Variants in PTGES observed in about 807,000 individuals in gnomAD.
PTGES encodes the protein prostaglandin E synthase, also known as MGST1-like 1.
In PTGES, 3 loss-of-function variants were observed where a neutral mutation model predicts 11.8. That is an observed-to-expected ratio of 0.25 (90% CI 0.12 to 0.66). The LOEUF (loss-of-function observed/expected upper bound fraction) is 0.66. PTGES is among the 30% of genes least tolerant of loss of function. The pLI, the probability that PTGES is intolerant of heterozygous loss-of-function variation, is 0.82. For missense variants in PTGES, 180 were observed against 213.0 expected, an observed-to-expected ratio of 0.85 and a Z score of 0.96; for synonymous variants, 94 against 90.4, an observed-to-expected ratio of 1.04 and a Z score of -0.22.
rs556757997 is a variant in PTGES at position 129,745,224 on chromosome 9, A to T, written c.209+3431T>A. Among the ~76,000 whole-genome samples the T allele has an allele frequency of 6.6e-6, 1 of 152,290 alleles. No homozygotes were observed. The highest frequency in any genetic ancestry group is 2.4e-5 in the African/African-American group (1 of 41,556). On this transcript the variant is annotated intron_variant, in intron 2 of 2. Coordinates refer to ENST00000340607, the MANE Select transcript of PTGES (RefSeq NM_004878.5). This position sits in a 1 kb window ranked among gnomAD's most constrained non-coding sequence, Gnocchi z 4.2. ...TGCAGTTCCACACACCCAACCTCAG[A>T]TTCTGGCCCAGACGCACATTGCCGG...
At chr9:129,744,236 C>T (rs969575621) in intron 2 of PTGES, among the ~76,000 whole-genome samples, 2 of 152,180 alleles carry the variant, frequency 1.3e-5, no homozygotes, top group African/African-American at 4.8e-5. Context: ...TCACTTCACC[C>T]TCTTGGCTTT....
intron 1 of PTGES, 150 bp downstream of exon 1, chr9:129,752,737 G>T (rs1214698405): frequency 8.3e-7 from 1 of 1,201,660 alleles, no homozygotes; most frequent in Non-Finnish European, 1.2e-6. Flanking sequence ...CGTGGGACTG[G>T]CAGGAAGCCC....
intron 2 of PTGES, among the ~76,000 whole-genome samples, chr9:129,741,327 G>C (rs1832992263): frequency 6.6e-6 from 1 of 152,208 alleles, no homozygotes; most frequent in Non-Finnish European, 1.5e-5. Flanking sequence ...GCAGATAAGA[G>C]AGGGAGAGGA....
intron 1 of PTGES, among the ~76,000 whole-genome samples, chr9:129,752,291 C>T (rs1373104226): frequency 1.3e-5 from 2 of 152,224 alleles, no homozygotes; most frequent in Admixed American, 1.3e-4. Context: ...ACTCGCCAAC[C>T]AGTGTGACGG....
rs868805845 is a variant in PTGES at position 129,748,730 on chromosome 9, G to A, written c.134C>T (p.Ala45Val). The A allele has an allele frequency of 1.3e-6, 2 of 1,591,588 alleles. No homozygotes were observed. The highest frequency in any genetic ancestry group is 1.4e-5 in the African/African-American group (1 of 73,130). ...GQVRLRKKAF[A>V]NPEDALRHGG... is the part of the protein sequence containing the mutation. ...GTGTCTCAGGGCATCCTCGGGGTTG[G>A]CAAAGGCCTGAAATATACCAGTTGA... Residue 45 changes from alanine (A) to valine (V), a missense_variant, in exon 2 of 3, where the codon GCC becomes GTC. By Grantham distance (64) the Ala-to-Val change is moderately conservative. Coordinates refer to ENST00000340607, the MANE Select transcript of PTGES (RefSeq NM_004878.5).
At chr9:129,740,381 C>T (rs548566460) in intron 2 of PTGES, among the ~76,000 whole-genome samples, 4 of 152,278 alleles carry the variant, frequency 2.6e-5, no homozygotes, top group Non-Finnish European at 5.9e-5. Context: ...GGGCCCCTCC[C>T]GAGTAGAAGG....
chr9:129,740,472 C>T (rs941236835), intron 2 of PTGES, among the ~76,000 whole-genome samples: 4 of 152,164 alleles, frequency 2.6e-5, no homozygotes, highest in African/African-American at 9.7e-5. Flanking sequence ...ACCACCTGTC[C>T]TTTCAGGGAC....
chr9:129,740,316 G>A (rs931632580), intron 2 of PTGES, among the ~76,000 whole-genome samples: 55 of 152,294 alleles, frequency 3.6e-4, no homozygotes, highest in African/African-American at 1.3e-3. Flanking sequence ...TACCTCCAGG[G>A]CAGGGCTTCT....
chr9:129,752,301 G>GACGCT, intron 1 of PTGES, among the ~76,000 whole-genome samples: 1 of 152,356 alleles, frequency 6.6e-6, no homozygotes, highest in East Asian at 1.9e-4. Flanking sequence ...CAGTGTGACG[G>GACGCT]ACGCTACTGG....
rs1266351581 is a variant in PTGES at position 129,745,926 on chromosome 9, C to G, written c.209+2729G>C. Among the ~76,000 whole-genome samples, 1 of 151,468 alleles carries G rather than the reference C, an allele frequency of 6.6e-6. No homozygotes were observed. The highest frequency in any genetic ancestry group is 1.5e-5 in the Non-Finnish European group (1 of 67,930). On this transcript the variant is annotated intron_variant, in intron 2 of 2. Transcript: ENST00000340607. This position sits in a 1 kb window ranked among gnomAD's most constrained non-coding sequence, Gnocchi z 4.2. ...ACAGGTGCCTGTAATCCCAGCTACT[C>G]GGGAGGCTGAGGCAGGGGAATTGCT...
Position 129,748,798 on chromosome 9 carries a change from A to G in PTGES, c.127-61T>C, listed in dbSNP as rs911681836. On this transcript the variant is annotated intron_variant, in intron 1 of 2. Transcript: ENST00000340607. ...ACAAACGGCCCAGTCACCTGGGGCT[A>G]TGTTTTGTCCATGACCAGAGTTCAC... The G allele has an allele frequency of 5.7e-6, 8 of 1,409,542 alleles. No individual in the cohort carries two copies. The African/African-American group carries it at 1.2e-4, about 21-fold the overall frequency. 87.3% of individuals were successfully genotyped at this position (1,409,542 alleles called of 1,614,324 possible).
intron 2 of PTGES, among the ~76,000 whole-genome samples, chr9:129,741,208 G>A (rs1832991219): frequency 6.6e-6 from 1 of 152,218 alleles, no homozygotes; most frequent in South Asian, 2.1e-4. Flanking sequence ...AGCATTCCAG[G>A]AAGGAAGACC....
Position 129,738,677 on chromosome 9 carries a change from C to T in PTGES, c.*934G>A, listed in dbSNP as rs1220711928. ...AGACTGCAGCAAAGACATCCAAAGC[C>T]AACGGCAAGGGAAGCGTCAGCGGGG... On this transcript the variant is annotated 3_prime_UTR_variant, in exon 3 of 3. Transcript: ENST00000340607. This position sits in a 1 kb window ranked among gnomAD's most constrained non-coding sequence, Gnocchi z 4.2. 6.6e-6 allele frequency: 1 copy of T among 152,398 alleles called. No homozygotes were observed. Among genetic ancestry groups the T allele is most frequent in the Non-Finnish European group, 1.5e-5 (1 of 68,208 alleles). The allele number at this position is 152,398 out of a possible 1,614,324, so 9.4% of individuals were successfully genotyped here. A position where few individuals can be genotyped will look rare whatever the true frequency, so the allele number is the denominator to read the frequency against.
At chr9:129,742,731 G>T (rs1248521155) in intron 2 of PTGES, among the ~76,000 whole-genome samples, 1 of 151,920 alleles carries the variant, frequency 6.6e-6, no homozygotes, top group East Asian at 1.9e-4. Context: ...AATCAGTCAG[G>T]CGTGGTGGCA....
chr9:129,747,786 G>C (rs938592709), intron 2 of PTGES, among the ~76,000 whole-genome samples: 1 of 152,044 alleles, frequency 6.6e-6, no homozygotes, highest in Non-Finnish European at 1.5e-5. Flanking sequence ...GAGGCGGACA[G>C]ATCATCTGAG....
chr9:129,741,547 A>C (rs978157945), intron 2 of PTGES, among the ~76,000 whole-genome samples: 35 of 152,298 alleles, frequency 2.3e-4, no homozygotes, highest in African/African-American at 8.2e-4. Context: ...AGCGGTGGGG[A>C]ACACTGTGGC....
chr9:129,746,021 C>T (rs1330462655), intron 2 of PTGES, among the ~76,000 whole-genome samples: 1 of 146,194 alleles, frequency 6.8e-6, no homozygotes, highest in Non-Finnish European at 1.5e-5. Context: ...GGGACAAGAG[C>T]GAAACTCTGT....
chr9:129,743,394 T>C (rs1434968432), intron 2 of PTGES, among the ~76,000 whole-genome samples: 5 of 152,166 alleles, frequency 3.3e-5, no homozygotes, highest in Middle Eastern at 3.4e-3. Context: ...TCGGGTGAAA[T>C]GCATCATTCA....
Position 129,744,614 on chromosome 9 carries a change from G to A in PTGES, c.209+4041C>T, listed in dbSNP as rs111483777. Among the ~76,000 whole-genome samples, 217 of 149,110 alleles carry A rather than the reference G, an allele frequency of 1.5e-3. 2 individuals are homozygous for A. The highest frequency in any genetic ancestry group is 5.0e-3 in the African/African-American group (200 of 40,324). Reference sequence around the variant, plus strand: ...AAAAAGACCGGGCGAGGTGGCTCATGCCTGTAATCCCAACACTTTGGGGAG... The same window carrying A: ...AAAAAGACCGGGCGAGGTGGCTCATACCTGTAATCCCAACACTTTGGGGAG... On this transcript the variant is annotated intron_variant, in intron 2 of 2. Transcript: ENST00000340607.
Sources: gnomAD v4.1 joint callset for allele counts (sites outside exome capture counted in the v4.1 genomes callset) on GRCh38, gnomAD v4.1.1 for gene constraint, Gnocchi (gnomAD v3.1) non-coding constraint, MANE v1.5 for transcripts, NCBI Gene and HGNC (gene_info 2026-07-23, HGNC 2026-07-21) for gene names.